TMEM196: variants seen among roughly 807,000 people sequenced by gnomAD.
The protein encoded by TMEM196 is transmembrane protein 196.
Under a neutral mutation model 20.0 loss-of-function variants are expected in TMEM196, and 17 were observed. The ratio of observed to expected loss-of-function variants is 0.85; its 90% CI spans 0.58 to 1.27. The LOEUF (loss-of-function observed/expected upper bound fraction) is 1.27. TMEM196 is among the 50% of genes most tolerant of loss of function. The probability of loss-of-function intolerance (pLI) is 0.00; values close to 1 mark genes in which losing one functional copy is unlikely to be tolerated. For missense variants in TMEM196, 267 were observed against 223.0 expected, an observed-to-expected ratio of 1.20 and a Z score of -1.26; for synonymous variants, 113 against 88.9, an observed-to-expected ratio of 1.27 and a Z score of -1.52.
intron 1 of TMEM196, among the ~76,000 whole-genome samples, chr7:19,731,346 C>G (rs1784193766): frequency 6.6e-6 from 1 of 152,204 alleles, no homozygotes; most frequent in Admixed American, 6.5e-5. Flanking sequence ...GTGACCGTTT[C>G]TCACCACCCA....
At chr7:19,756,732 G>A (rs1178979356) in intron 1 of TMEM196, among the ~76,000 whole-genome samples, 2 of 152,096 alleles carry the variant, frequency 1.3e-5, no homozygotes, top group Non-Finnish European at 2.9e-5. Context: ...AGTTTGCTGA[G>A]GATAATGGCC....
intron 2 of TMEM196, 86 bp from the exon 3 acceptor site, chr7:19,725,854 A>G: frequency 7.0e-7 from 1 of 1,433,934 alleles, no homozygotes; most frequent in South Asian, 1.5e-5. Context: ...CATGTCAAGG[A>G]TGACTAGCCT....
At chr7:19,731,784 A>T (rs1784214196) in intron 1 of TMEM196, among the ~76,000 whole-genome samples, 1 of 152,206 alleles carries the variant, frequency 6.6e-6, no homozygotes, top group African/African-American at 2.4e-5. Flanking sequence ...GGAGCTAAGA[A>T]ATGTGAATTC....
At chr7:19,761,360 AAT>A (rs1394337954) in intron 1 of TMEM196, among the ~76,000 whole-genome samples, 1 of 152,246 alleles carries the variant, frequency 6.6e-6, no homozygotes, top group Non-Finnish European at 1.5e-5. Context: ...TAATGTAAAG[AAT>A]ATAGTTCCAT....
At chr7:19,764,099 C>A (rs971888487) in intron 1 of TMEM196, among the ~76,000 whole-genome samples, 1 of 152,178 alleles carries the variant, frequency 6.6e-6, no homozygotes, top group Non-Finnish European at 1.5e-5. Flanking sequence ...GTTTAAAAAT[C>A]TACCATCAAC....
chr7:19,762,404 A>G (rs1050938602), intron 1 of TMEM196, among the ~76,000 whole-genome samples: 1 of 152,128 alleles, frequency 6.6e-6, no homozygotes, highest in African/African-American at 2.4e-5. Context: ...TTAAGCATCA[A>G]TGTATGGATA....
intron 1 of TMEM196, among the ~76,000 whole-genome samples, chr7:19,737,907 T>A (rs936541356): frequency 6.6e-5 from 10 of 151,990 alleles, no homozygotes; most frequent in African/African-American, 2.4e-4. Flanking sequence ...TCTAAACAAT[T>A]TTTTAAAATT....
intron 1 of TMEM196, among the ~76,000 whole-genome samples, chr7:19,738,349 A>G (rs545852220): frequency 6.6e-6 from 1 of 152,232 alleles, no homozygotes; most frequent in East Asian, 1.9e-4. Context: ...AGCAATTTTT[A>G]GTTTAATATA....
At chr7:19,724,235 C>T in intron 4 of TMEM196, 45 bp downstream of exon 4, 1 of 1,512,980 alleles carries the variant, frequency 6.6e-7, no homozygotes, top group Non-Finnish European at 9.0e-7. Context: ...GAAGTGCTTT[C>T]TGCAGCGACA....
chr7:19,769,167 T>C (rs1785760242), intron 1 of TMEM196, among the ~76,000 whole-genome samples: 1 of 152,138 alleles, frequency 6.6e-6, no homozygotes, highest in African/African-American at 2.4e-5. Context: ...ACTACATGTA[T>C]TGTGACAGGT....
chr7:19,754,681 A>AG (rs1562623353), intron 1 of TMEM196, among the ~76,000 whole-genome samples: 1 of 151,948 alleles, frequency 6.6e-6, no homozygotes, highest in Non-Finnish European at 1.5e-5. Context: ...AGAAAAAAAA[A>AG]AGTTCTGCAA....
intron 1 of TMEM196, among the ~76,000 whole-genome samples, chr7:19,753,571 C>G (rs1253468403): frequency 6.6e-6 from 1 of 152,152 alleles, no homozygotes; most frequent in Non-Finnish European, 1.5e-5. Flanking sequence ...TCCCTTCATT[C>G]TGACTCTTAA....
chr7:19,727,922 T>A (rs890533361), intron 2 of TMEM196, among the ~76,000 whole-genome samples: 4 of 151,758 alleles, frequency 2.6e-5, no homozygotes, highest in African/African-American at 9.7e-5. Context: ...TGGAGTGAAA[T>A]TTTTTTTTAA....
intron 1 of TMEM196, among the ~76,000 whole-genome samples, chr7:19,732,023 C>T (rs1583422735): frequency 1.3e-5 from 2 of 152,260 alleles, no homozygotes; most frequent in East Asian, 3.9e-4. Flanking sequence ...GAAATTTAGC[C>T]ACCACAGTTT....
chr7:19,746,919 C>T (rs973698623), intron 1 of TMEM196, among the ~76,000 whole-genome samples: 5 of 152,178 alleles, frequency 3.3e-5, no homozygotes, highest in Non-Finnish European at 7.4e-5. Flanking sequence ...TTTTTCATTT[C>T]TGTCTTTTAC....
In TMEM196 at chr7:19,773,182, C is replaced by T. The variant is rs1378768294; in HGVS notation, c.-486G>A. 1 of 152,906 alleles carries T rather than the reference C, an allele frequency of 6.5e-6. No individual in the cohort carries two copies. Among genetic ancestry groups the T allele is most frequent in the East Asian group, 1.9e-4 (1 of 5,204 alleles). 9.5% of individuals were successfully genotyped at this position (152,906 alleles called of 1,614,324 possible). A position where few individuals can be genotyped will look rare whatever the true frequency, so the allele number is the denominator to read the frequency against. ...CCCGGAGATCCAAAGGGAACCGCTCCGAGTTTCTCTCTCCCTCTCCCGTTC... is the reference window on the plus strand; with the variant it reads ...CCCGGAGATCCAAAGGGAACCGCTCTGAGTTTCTCTCTCCCTCTCCCGTTC... On this transcript the variant is annotated 5_prime_UTR_variant, in exon 1 of 5. Coordinates refer to ENST00000405844, the MANE Select transcript of TMEM196 (RefSeq NM_001363562.2).
chr7:19,759,118 G>A (rs1427032540), intron 1 of TMEM196, among the ~76,000 whole-genome samples: 1 of 152,026 alleles, frequency 6.6e-6, no homozygotes, highest in African/African-American at 2.4e-5. Flanking sequence ...TCTCTACACG[G>A]AACCCATCTC....
intron 1 of TMEM196, among the ~76,000 whole-genome samples, chr7:19,753,309 A>G (rs1272538678): frequency 6.6e-6 from 1 of 152,150 alleles, no homozygotes; most frequent in Non-Finnish European, 1.5e-5. Flanking sequence ...TATAACCACC[A>G]CCAGCACCCT....
rs1783824944 is a variant in TMEM196, at chr7:19,721,899, A to G, written c.*229T>C. On this transcript the variant is annotated 3_prime_UTR_variant, in exon 5 of 5. Coordinates refer to ENST00000405844, the MANE Select transcript of TMEM196 (RefSeq NM_001363562.2). ...CTAGAATGTTTCTGGAAAGTTTTTT[A>G]CCCCATAAAAAAGGGTGGAGAAACC... The G allele has an allele frequency of 7.0e-6, 4 of 570,880 alleles. No homozygotes were observed. In the South Asian group the frequency reaches 9.1e-5, roughly 13 times the overall value. The allele number at this position is 570,880 out of a possible 1,614,324, so 35.4% of individuals were successfully genotyped here.
Sources: allele counts gnomAD v4.1 joint callset (sites outside exome capture counted in the v4.1 genomes callset), GRCh38; gene constraint gnomAD v4.1.1; transcripts MANE v1.5; gene names NCBI Gene and HGNC (gene_info 2026-07-23, HGNC 2026-07-21).